Variants in NXN observed in about 807,000 individuals in gnomAD.
The protein encoded by NXN is nucleoredoxin 1.
Under a neutral mutation model 48.6 loss-of-function variants are expected in NXN, and 16 were observed. The ratio of observed to expected loss-of-function variants is 0.33; its 90% CI spans 0.22 to 0.50. NXN has a LOEUF of 0.50. Ranked by LOEUF, NXN falls within the 20% of genes least tolerant of loss-of-function variation. The pLI is 0.98. For missense variants in NXN, 492 were observed against 605.5 expected, an observed-to-expected ratio of 0.81 and a Z score of 1.97; for synonymous variants, 281 against 269.6, an observed-to-expected ratio of 1.04 and a Z score of -0.41.
At position 834,162 on chromosome 17, in the gene NXN, A is replaced by G. The variant is rs190884242; in HGVS notation, c.361-8084T>C. On this transcript the variant is annotated intron_variant, in intron 1 of 7. Coordinates refer to ENST00000336868, the MANE Select transcript of NXN (RefSeq NM_022463.5). The stretch of plus-strand genomic sequence containing the variant: ...TGGTAAAACCCTATCACTCCACAAA[A>G]AAATACAAAAATTAGCCAGGCGTGG... Among the ~76,000 whole-genome samples the G allele has an allele frequency of 2.2e-3, 340 of 152,304 alleles. 1 individual carries two copies. Among genetic ancestry groups the G allele is most frequent in the African/African-American group, 7.7e-3 (319 of 41,564 alleles).
intron 5 of NXN, among the ~76,000 whole-genome samples, chr17:811,514 G>GGC (rs371128888): frequency 4.1e-4 from 62 of 152,200 alleles, no homozygotes; most frequent in Non-Finnish European, 7.8e-4. Flanking sequence ...GGGGTTGGGG[G>GGC]GGGGGCAGCA....
intron 1 of NXN, among the ~76,000 whole-genome samples, chr17:841,430 A>C (rs1342302645): frequency 2.9e-5 from 3 of 104,670 alleles, no homozygotes; most frequent in Non-Finnish European, 6.7e-5. Context: ...CGCATCTCAC[A>C]CGGGCGAGCA....
chr17:962,765 A>G (rs948537306), intron 1 of NXN, among the ~76,000 whole-genome samples: 1 of 152,126 alleles, frequency 6.6e-6, no homozygotes, highest in Non-Finnish European at 1.5e-5. Context: ...CCCCATATAC[A>G]TCTGAATGCG....
intron 1 of NXN, among the ~76,000 whole-genome samples, chr17:847,538 C>T (rs1042960317): frequency 3.9e-5 from 6 of 152,300 alleles, no homozygotes; most frequent in East Asian, 3.9e-4. Flanking sequence ...GCAAGCCAGG[C>T]GTGTCCACAG....
intron 1 of NXN, among the ~76,000 whole-genome samples, chr17:902,864 C>T (rs143233242): frequency 2.0e-3 from 298 of 151,798 alleles, no homozygotes; most frequent in African/African-American, 6.7e-3. Flanking sequence ...CTATAACCTC[C>T]GCCTCCCGGG....
chr17:839,863 G>A (rs12952972), intron 1 of NXN, among the ~76,000 whole-genome samples: 6,770 of 144,526 alleles, frequency 0.047, 279 homozygotes, highest in East Asian at 0.25. Flanking sequence ...TTGGGAGGCC[G>A]AGGCGGGCAG....
intron 1 of NXN, among the ~76,000 whole-genome samples, chr17:862,035 T>C (rs533365543): frequency 1.4e-4 from 21 of 152,206 alleles, no homozygotes; most frequent in Middle Eastern, 3.4e-3. Context: ...TTCACCACGT[T>C]TCCCAGGCTG....
Position 937,219 on chromosome 17 carries a change from G to A in NXN, c.360+42100C>T, listed in dbSNP as rs538614504. On this transcript the variant is annotated intron_variant, in intron 1 of 7. Transcript: ENST00000336868. ...GGCTGGTCTCAAACTACTGAGCTCG[G>A]GTGATCCGCCCGCCTCGGCCTCCCA... is the stretch of plus-strand genomic sequence containing the variant. Among the ~76,000 whole-genome samples the A allele has an allele frequency of 5.9e-5, 9 of 152,084 alleles. No homozygotes were observed. In the East Asian group the frequency reaches 1.7e-3, roughly 30 times the overall value.
chr17:945,609 C>G (rs1363457122), intron 1 of NXN, among the ~76,000 whole-genome samples: 14 of 127,874 alleles, frequency 1.1e-4, no homozygotes, highest in Non-Finnish European at 1.9e-4. Flanking sequence ...CCAGCCTGGG[C>G]GAGAGAGTGA....
At chr17:826,339 G>A (rs1322364503) in intron 1 of NXN, among the ~76,000 whole-genome samples, 1 of 152,144 alleles carries the variant, frequency 6.6e-6, no homozygotes, top group African/African-American at 2.4e-5. Flanking sequence ...GCGACAGTGT[G>A]GGGGACTTGG....
chr17:825,793 T>C lies in NXN; in HGVS notation c.478+168A>G, dbSNP rs1913068031. ...TCCCTGTGAAAATCTTAAAACCATG[T>C]CCTAGGGAATACTATGATTTCACCA... On this transcript the variant is annotated intron_variant, in intron 2 of 7. Coordinates refer to ENST00000336868, the MANE Select transcript of NXN (RefSeq NM_022463.5). The surrounding 1 kb of genome is among the most constrained non-coding windows in gnomAD (Gnocchi z 4.1). The C allele has an allele frequency of 6.7e-6, 4 of 596,064 alleles. No individual in the cohort carries two copies. Among genetic ancestry groups the C allele is most frequent in the Non-Finnish European group, 1.2e-5 (4 of 330,838 alleles). 36.9% of individuals were successfully genotyped at this position (596,064 alleles called of 1,614,324 possible). A position where few individuals can be genotyped will look rare whatever the true frequency, so the allele number is the denominator to read the frequency against.
At chr17:955,721 C>T (rs996662371) in intron 1 of NXN, among the ~76,000 whole-genome samples, 2 of 151,206 alleles carry the variant, frequency 1.3e-5, no homozygotes, top group East Asian at 2.0e-4. Context: ...ACGGTGAAAC[C>T]CTGTCTCTAC....
intron 6 of NXN, among the ~76,000 whole-genome samples, chr17:804,546 G>C (rs141158027): frequency 2.9e-4 from 44 of 152,316 alleles, no homozygotes; most frequent in African/African-American, 1.0e-3. Flanking sequence ...AGACTGCAGG[G>C]AGCCTGGCAT....
intron 1 of NXN, among the ~76,000 whole-genome samples, chr17:907,152 C>T (rs1597231037): frequency 6.6e-6 from 1 of 152,090 alleles, no homozygotes; most frequent in Non-Finnish European, 1.5e-5. Context: ...GGAGGGTTAT[C>T]TCCAAGAGAA....
chr17:840,360 G>C (rs1914077612), intron 1 of NXN, among the ~76,000 whole-genome samples: 1 of 151,228 alleles, frequency 6.6e-6, no homozygotes, highest in African/African-American at 2.4e-5. Context: ...TTTTTCTTGA[G>C]ACGGAGTCTC....
At chr17:850,676 G>T (rs1031425121) in intron 1 of NXN, among the ~76,000 whole-genome samples, 2 of 152,186 alleles carry the variant, frequency 1.3e-5, no homozygotes, top group African/African-American at 4.8e-5. Flanking sequence ...AGGGACGAAG[G>T]CGGGAGGTTT....
In NXN at chr17:831,000, C is replaced by A. The variant is rs1379741794; in HGVS notation, c.361-4922G>T. 7.0e-3 allele frequency among the ~76,000 whole-genome samples: 755 copies of A among 107,516 alleles called. No homozygotes were observed. Among genetic ancestry groups the A allele is most frequent in the Middle Eastern group, 0.015 (3 of 202 alleles). 70.5% of individuals were successfully genotyped at this position (107,516 alleles called of 152,430 possible). A position where few individuals can be genotyped will look rare whatever the true frequency, so the allele number is the denominator to read the frequency against. Reference sequence around the variant, plus strand: ...GGGCAACAAGAGCGAAACTCCGTCTCAAAAAAAAAAAAAAAACATGCTCTA... The same window carrying A: ...GGGCAACAAGAGCGAAACTCCGTCTAAAAAAAAAAAAAAAAACATGCTCTA... On this transcript the variant is annotated intron_variant, in intron 1 of 7. Transcript: ENST00000336868. This position sits in a 1 kb window ranked among gnomAD's most constrained non-coding sequence, Gnocchi z 4.2.
chr17:931,039 G>A (rs921833845), intron 1 of NXN, among the ~76,000 whole-genome samples: 2 of 152,176 alleles, frequency 1.3e-5, no homozygotes, highest in African/African-American at 4.8e-5. Flanking sequence ...AAAGTGCCGG[G>A]ATTACAGGCG....
chr17:810,349 T>G (rs1355621762), intron 5 of NXN, among the ~76,000 whole-genome samples: 1 of 151,564 alleles, frequency 6.6e-6, no homozygotes, highest in African/African-American at 2.4e-5. Context: ...GGCGTGTACG[T>G]TAAGAGTCCG....
Sources: gnomAD v4.1 joint callset for allele counts (sites outside exome capture counted in the v4.1 genomes callset) on GRCh38, gnomAD v4.1.1 for gene constraint, Gnocchi (gnomAD v3.1) non-coding constraint, MANE v1.5 for transcripts, NCBI Gene and HGNC (gene_info 2026-07-23, HGNC 2026-07-21) for gene names.